Variants in FANCC observed in about 807,000 individuals in gnomAD.
FANCC encodes the protein Fanconi anemia group C protein.
A neutral mutation model predicts 71.3 loss-of-function variants in FANCC; 55 were observed. That is an observed-to-expected ratio of 0.77 (90% confidence interval 0.62 to 0.97). FANCC has a LOEUF of 0.97. Among genes scored for constraint, FANCC ranks in the 50% least tolerant of loss-of-function variants. The probability of loss-of-function intolerance (pLI) is 0.00; values close to 1 mark genes in which losing one functional copy is unlikely to be tolerated. For missense variants in FANCC, 678 were observed against 670.9 expected (o/e 1.01, Z -0.12); for synonymous variants, 275 against 244.9 (o/e 1.12, Z -1.15).
chr9:95,289,922 G>A (rs570736833), intron 1 of FANCC, among the ~76,000 whole-genome samples: 1 of 152,184 alleles, frequency 6.6e-6, no homozygotes, highest in African/African-American at 2.4e-5. Context: ...GCCTCCCAAA[G>A]TGCTGGGATT....
intron 6 of FANCC, among the ~76,000 whole-genome samples, chr9:95,162,516 T>G (rs1238196698): frequency 2.6e-5 from 4 of 152,212 alleles, no homozygotes; most frequent in African/African-American, 9.6e-5. Flanking sequence ...TTTTAATTTT[T>G]TAAGGAAACT....
At chr9:95,224,548 G>C (rs1187558208) in intron 4 of FANCC, among the ~76,000 whole-genome samples, 1 of 150,654 alleles carries the variant, frequency 6.6e-6, no homozygotes. Context: ...CATTCACACT[G>C]TTGTGCAACA....
chr9:95,296,384 T>C (rs1274840586), intron 1 of FANCC, among the ~76,000 whole-genome samples: 3 of 152,116 alleles, frequency 2.0e-5, no homozygotes, highest in Non-Finnish European at 4.4e-5. Context: ...TTTGAAGAAA[T>C]AGGTGGAAAA....
chr9:95,248,483 C>A (rs80001072), intron 2 of FANCC, among the ~76,000 whole-genome samples: 4 of 152,276 alleles, frequency 2.6e-5, no homozygotes, highest in African/African-American at 9.6e-5. Context: ...TTCCTATTTA[C>A]TCTTTGATTA....
intron 1 of FANCC, among the ~76,000 whole-genome samples, chr9:95,299,620 G>C (rs893524599): frequency 2.0e-5 from 3 of 152,148 alleles, no homozygotes; most frequent in African/African-American, 7.2e-5. Flanking sequence ...CAGCACTTTG[G>C]GAGGCTGAGG....
chr9:95,115,098 G>A (rs1009025454), intron 11 of FANCC, among the ~76,000 whole-genome samples: 1 of 152,086 alleles, frequency 6.6e-6, no homozygotes, highest in African/African-American at 2.4e-5. Flanking sequence ...GCACCACCAT[G>A]CCCAGCTATT....
At chr9:95,203,716 G>T (rs1053429298) in intron 4 of FANCC, among the ~76,000 whole-genome samples, 1 of 151,930 alleles carries the variant, frequency 6.6e-6, no homozygotes, top group Non-Finnish European at 1.5e-5. Flanking sequence ...TATTATTTAT[G>T]AAAAAATATG....
At chr9:95,193,334 A>T (rs1404835695) in intron 4 of FANCC, among the ~76,000 whole-genome samples, 1 of 152,176 alleles carries the variant, frequency 6.6e-6, no homozygotes, top group Non-Finnish European at 1.5e-5. Flanking sequence ...GGAAAAACCC[A>T]GACTCTAGCT....
In FANCC at chr9:95,100,502, G is replaced by A. The variant is rs564970245; in HGVS notation, c.*1205C>T. 2 of 232,080 alleles carry A rather than the reference G, an allele frequency of 8.6e-6. No homozygotes were observed. The highest frequency in any genetic ancestry group is 5.6e-5 in the Admixed American group (1 of 17,746). 14.4% of individuals were successfully genotyped at this position (232,080 alleles called of 1,614,324 possible). A position where few individuals can be genotyped will look rare whatever the true frequency, so the allele number is the denominator to read the frequency against. On this transcript the variant is annotated 3_prime_UTR_variant, in exon 15 of 15. Coordinates refer to ENST00000289081, the MANE Select transcript of FANCC (RefSeq NM_000136.3). ...TACACACAAATCAAAATGGACAAAA[G>A]CAAGTCTTGACTCACTTGACAAACA...
chr9:95,114,861 A>G, intron 11 of FANCC, 151 bp from the exon 12 acceptor site: 2 of 715,952 alleles, frequency 2.8e-6, no homozygotes, highest in Non-Finnish European at 5.1e-6. Flanking sequence ...TTTCCCAGCC[A>G]GTACCTATCT....
At chr9:95,215,546 C>T (rs1230334564) in intron 4 of FANCC, among the ~76,000 whole-genome samples, 1 of 152,162 alleles carries the variant, frequency 6.6e-6, no homozygotes, top group Non-Finnish European at 1.5e-5. Flanking sequence ...GTTTCAGATC[C>T]CTTCCCTTGA....
At chr9:95,105,063 TG>T (rs1393123305) in intron 14 of FANCC, among the ~76,000 whole-genome samples, 1 of 152,250 alleles carries the variant, frequency 6.6e-6, no homozygotes, top group Non-Finnish European at 1.5e-5. Context: ...CTCGCTGTGC[TG>T]GGGCCGGGCC....
At chr9:95,124,556 T>G (rs1321391927) in intron 10 of FANCC, among the ~76,000 whole-genome samples, 1 of 152,108 alleles carries the variant, frequency 6.6e-6, no homozygotes, top group African/African-American at 2.4e-5. Context: ...CCTTCCTCAC[T>G]CCCCTTCTAG....
chr9:95,265,890 C>A (rs1477128774), intron 1 of FANCC, among the ~76,000 whole-genome samples: 1 of 152,102 alleles, frequency 6.6e-6, no homozygotes, highest in Non-Finnish European at 1.5e-5. Context: ...AAATTGGGAC[C>A]CATACACAGA....
rs766173332 is a variant in FANCC at position 95,249,258 on chromosome 9, A to C, written c.34T>G (p.Tyr12Asp). 1 of 1,614,160 alleles carries C rather than the reference A, an allele frequency of 6.2e-7. No individual in the cohort carries two copies. Among genetic ancestry groups the C allele is most frequent in the East Asian group, 2.2e-5 (1 of 44,880 alleles). ...GAAAGCTTCTGCATCCAAAACTGATAATCACAAGAAAGATCTACTGAATCT... is the reference window on the plus strand; with the variant it reads ...GAAAGCTTCTGCATCCAAAACTGATCATCACAAGAAAGATCTACTGAATCT... ...AQDSVDLSCDYQFWMQKLSVW... is the reference protein window; with the variant it reads ...AQDSVDLSCDDQFWMQKLSVW... Residue 12 changes from tyrosine (Y) to aspartate (D), a missense_variant, in exon 2 of 15, where the codon TAT (tyrosine) becomes GAT (aspartate). Coordinates refer to ENST00000289081, the MANE Select transcript of FANCC (RefSeq NM_000136.3).
rs956710239 is a variant in FANCC, at chr9:95,116,876, C to T, written c.1072+439G>A. Among the ~76,000 whole-genome samples, 10 of 152,344 alleles carry T rather than the reference C, an allele frequency of 6.6e-5. No homozygotes were observed. In the South Asian group the frequency reaches 1.0e-3, roughly 16 times the overall value. Reference sequence around the variant, plus strand: ...CCCTTAGCTTGGTTAGGGGAAACTTCCCCTGCATTTCCTCAGCTTCATCCA... The same window carrying T: ...CCCTTAGCTTGGTTAGGGGAAACTTTCCCTGCATTTCCTCAGCTTCATCCA... On this transcript the variant is annotated intron_variant, in intron 11 of 14. Transcript: ENST00000289081.
intron 8 of FANCC, among the ~76,000 whole-genome samples, chr9:95,133,678 A>C (rs1244764376): frequency 6.6e-6 from 1 of 152,226 alleles, no homozygotes; most frequent in African/African-American, 2.4e-5. Context: ...AGAATTTTTC[A>C]ATAGGGAGAA....
intron 9 of FANCC, 82 bp from the exon 10 acceptor site, chr9:95,125,267 T>C (rs1042108973): frequency 3.6e-6 from 4 of 1,110,666 alleles, no homozygotes; most frequent in East Asian, 2.4e-5. Flanking sequence ...AAGGGAAAAG[T>C]AGAAACACTT....
intron 1 of FANCC, among the ~76,000 whole-genome samples, chr9:95,312,363 G>A (rs1564849751): frequency 6.6e-6 from 1 of 152,158 alleles, no homozygotes; most frequent in Non-Finnish European, 1.5e-5. Context: ...TACTGTTGTT[G>A]TTGTCATTTT....
Sources: allele counts gnomAD v4.1 joint callset (sites outside exome capture counted in the v4.1 genomes callset), GRCh38; gene constraint gnomAD v4.1.1; transcripts MANE v1.5; gene names NCBI Gene and HGNC (gene_info 2026-07-23, HGNC 2026-07-21).